Variants in KIAA1328 observed in about 807,000 individuals in gnomAD.
KIAA1328 encodes the protein protein hinderin.
In KIAA1328, 52 loss-of-function variants were observed where a neutral mutation model predicts 68.1. That is an observed-to-expected ratio of 0.76 (90% CI 0.61 to 0.96). KIAA1328 has a LOEUF of 0.96. Among genes scored for constraint, KIAA1328 ranks in the 40% least tolerant of loss-of-function variants. The probability of loss-of-function intolerance (pLI) is 0.00; values close to 1 mark genes in which losing one functional copy is unlikely to be tolerated. For synonymous variants in KIAA1328, 232 were observed against 239.4 expected, an observed-to-expected ratio of 0.97 and a Z score of 0.28; for missense variants, 641 against 677.6, an observed-to-expected ratio of 0.95 and a Z score of 0.60.
chr18:36,956,168 A>G (rs1369238621), intron 5 of KIAA1328, among the ~76,000 whole-genome samples: 1 of 152,216 alleles, frequency 6.6e-6, no homozygotes, highest in Non-Finnish European at 1.5e-5. Flanking sequence ...ATTTCAGCTA[A>G]TTAATGTGAT....
intron 5 of KIAA1328, among the ~76,000 whole-genome samples, chr18:36,887,199 CT>C (rs2048530980): frequency 6.7e-6 from 1 of 149,300 alleles, no homozygotes; most frequent in Non-Finnish European, 1.5e-5. Flanking sequence ...CTTCCTGCTA[CT>C]TTTTTCTCTA....
In KIAA1328 at chr18:37,207,935, G is replaced by A. The variant is rs141166252; in HGVS notation, c.1524-14082G>A. 2.8e-3 allele frequency among the ~76,000 whole-genome samples: 423 copies of A among 152,130 alleles called. 1 individual carries two copies. Among genetic ancestry groups the A allele is most frequent in the Non-Finnish European group, 4.7e-3 (319 of 67,976 alleles). On this transcript the variant is annotated intron_variant, in intron 9 of 9. Transcript: ENST00000280020. Reference sequence around the variant, plus strand: ...AGCGATTCTCCTGCCTCAGTCTCCCGAGTAGCTGGGATTACAGGCATGTGC... The same window carrying A: ...AGCGATTCTCCTGCCTCAGTCTCCCAAGTAGCTGGGATTACAGGCATGTGC...
intron 5 of KIAA1328, among the ~76,000 whole-genome samples, chr18:36,953,521 T>C (rs1393943044): frequency 2.6e-5 from 4 of 151,262 alleles, no homozygotes; most frequent in South Asian, 2.1e-4. Flanking sequence ...CTTACAGATA[T>C]AAAATTTTAT....
intron 8 of KIAA1328, among the ~76,000 whole-genome samples, chr18:37,163,181 C>T (rs76039048): frequency 1.3e-5 from 2 of 152,100 alleles, no homozygotes; most frequent in Non-Finnish European, 2.9e-5. Context: ...GAGCAATCAT[C>T]GATATTCCCT....
At chr18:37,043,790 T>A (rs940414717) in intron 6 of KIAA1328, among the ~76,000 whole-genome samples, 25 of 152,214 alleles carry the variant, frequency 1.6e-4, no homozygotes. Context: ...GACTTGAGCA[T>A]GTATTCCTCC....
intron 3 of KIAA1328, among the ~76,000 whole-genome samples, chr18:36,842,183 A>G (rs2046881451): frequency 6.6e-6 from 1 of 152,090 alleles, no homozygotes; most frequent in Non-Finnish European, 1.5e-5. Flanking sequence ...GGAATTATTG[A>G]AACTTAGAAG....
chr18:37,108,572 A>T (rs925288644), intron 7 of KIAA1328, among the ~76,000 whole-genome samples: 2 of 152,238 alleles, frequency 1.3e-5, no homozygotes, highest in Non-Finnish European at 2.9e-5. Flanking sequence ...TCTAATAAAT[A>T]TATGTTATTA....
In KIAA1328 at chr18:37,002,843, C is replaced by T. The variant is rs981777819; in HGVS notation, c.576+43408C>T. ...CAAAGAATTAGAGGAGACAATCCTA[C>T]AATTCATATGAAAACACAAAAGTGC... On this transcript the variant is annotated intron_variant, in intron 6 of 9. Transcript: ENST00000280020. Among the ~76,000 whole-genome samples the T allele has an allele frequency of 2.6e-5, 4 of 152,110 alleles. No individual in the cohort carries two copies. In the South Asian group the frequency reaches 6.2e-4, roughly 24 times the overall value.
intron 5 of KIAA1328, among the ~76,000 whole-genome samples, chr18:36,917,201 G>A (rs1036087137): frequency 4.6e-5 from 7 of 152,180 alleles, no homozygotes; most frequent in Middle Eastern, 3.4e-3. Flanking sequence ...TCCATATTAT[G>A]AATGACATAT....
chr18:36,857,397 G>A (rs969134086), intron 4 of KIAA1328, among the ~76,000 whole-genome samples: 3 of 152,068 alleles, frequency 2.0e-5, no homozygotes, highest in Non-Finnish European at 4.4e-5. Flanking sequence ...TAGCCTGAAG[G>A]AGCTGACACA....
intron 6 of KIAA1328, among the ~76,000 whole-genome samples, chr18:36,995,934 G>C (rs1449641271): frequency 6.6e-6 from 1 of 152,216 alleles, no homozygotes; most frequent in African/African-American, 2.4e-5. Flanking sequence ...TGTCTGGGGA[G>C]AAGTTGGCTG....
chr18:37,114,086 A>G (rs1265500768), intron 7 of KIAA1328, among the ~76,000 whole-genome samples: 2 of 152,216 alleles, frequency 1.3e-5, no homozygotes, highest in African/African-American at 4.8e-5. Context: ...CACTGTCAAC[A>G]TTAGACAGAT....
intron 5 of KIAA1328, among the ~76,000 whole-genome samples, chr18:36,942,759 G>A (rs185045971): frequency 6.6e-6 from 1 of 152,236 alleles, no homozygotes; most frequent in Admixed American, 6.5e-5. Context: ...GTAGAAATTA[G>A]CCATCATATA....
At chr18:37,143,253 C>A (rs1305789711) in intron 7 of KIAA1328, among the ~76,000 whole-genome samples, 6 of 152,022 alleles carry the variant, frequency 3.9e-5, no homozygotes, top group Non-Finnish European at 7.4e-5. Context: ...CCATGCCCGG[C>A]CTACTTAGAT....
At chr18:37,124,497 A>G (rs150139419) in intron 7 of KIAA1328, among the ~76,000 whole-genome samples, 14 of 152,210 alleles carry the variant, frequency 9.2e-5, no homozygotes, top group Middle Eastern at 3.4e-3. Context: ...TTCTACTTGT[A>G]ACTCCTACAA....
chr18:37,182,216 A>G (rs989609662), intron 9 of KIAA1328, among the ~76,000 whole-genome samples: 1 of 152,180 alleles, frequency 6.6e-6, no homozygotes, highest in Admixed American at 6.5e-5. Context: ...CAACTTTAAG[A>G]AATATTTTTA....
chr18:37,086,539 A>G (rs566195894), intron 7 of KIAA1328, among the ~76,000 whole-genome samples: 8 of 152,200 alleles, frequency 5.3e-5, no homozygotes, highest in Non-Finnish European at 1.0e-4. Flanking sequence ...ATCACATGCT[A>G]TCCTCTTTTT....
chr18:37,024,305 A>G (rs1025702650), intron 6 of KIAA1328, among the ~76,000 whole-genome samples: 4 of 151,068 alleles, frequency 2.6e-5, no homozygotes, highest in Admixed American at 1.3e-4. Flanking sequence ...CTGGCCTGTT[A>G]TTCCTTTCTT....
chr18:37,031,636 T>C (rs1024144125), intron 6 of KIAA1328, among the ~76,000 whole-genome samples: 3 of 152,242 alleles, frequency 2.0e-5, no homozygotes, highest in African/African-American at 2.4e-5. Context: ...TCTGGACTTA[T>C]ATTGGACTCT....
Sources: gnomAD v4.1 joint callset for allele counts (sites outside exome capture counted in the v4.1 genomes callset) on GRCh38, gnomAD v4.1.1 for gene constraint, MANE v1.5 for transcripts, NCBI Gene and HGNC (gene_info 2026-07-23, HGNC 2026-07-21) for gene names.